GPC3: variants seen among roughly 807,000 people sequenced by gnomAD.
GPC3 encodes glypican 3.
A neutral mutation model predicts 34.4 loss-of-function variants in GPC3; 3 were observed. The ratio of observed to expected loss-of-function variants is 0.09; its 90% CI spans 0.04 to 0.23. GPC3 has a LOEUF of 0.23. GPC3 is among the 10% of genes least tolerant of loss of function. GPC3 has a pLI of 1.00. For missense variants in GPC3, 351 were observed against 445.6 expected (o/e 0.79, Z 1.91); for synonymous variants, 177 against 174.0 (o/e 1.02, Z -0.13).
chrX:133,985,348 G>T lies in GPC3; in HGVS notation c.102C>A (p.Thr34=). ...AQPPPPPPDA[T]CHQVRSFFQR... is the part of the protein sequence containing the mutation. ...GGAAGAAGGAGCGGACTTGGTGACA[G>T]GTGGCGTCCGGCGGCGGCGGCGGGG... The change falls in exon 1 of 8, where the codon ACC becomes ACA. Residue 34 remains threonine, a synonymous_variant. Coordinates refer to ENST00000370818, the MANE Select transcript of GPC3 (RefSeq NM_004484.4). 5.0e-6 allele frequency: 6 copies of T among 1,206,971 alleles called. No homozygotes were observed. Among genetic ancestry groups the T allele is most frequent in the Non-Finnish European group, 6.7e-6 (6 of 893,290 alleles).
chrX:133,777,904 C>T (rs2072003914), intron 2 of GPC3, among the ~76,000 whole-genome samples: 1 of 111,995 alleles, frequency 8.9e-6, no homozygotes, highest in Admixed American at 9.5e-5. Flanking sequence ...AAAACCCAAG[C>T]CTCATGAGCC....
intron 3 of GPC3, among the ~76,000 whole-genome samples, chrX:133,750,930 A>G (rs963771124): frequency 1.8e-5 from 2 of 109,177 alleles, no homozygotes; most frequent in African/African-American, 6.7e-5. Context: ...AGAATTAGCC[A>G]GGCATGGTGG....
Position 133,782,465 on chromosome X carries a change from C to G in GPC3, c.338-28289G>C, listed in dbSNP as rs1354106089. On this transcript the variant is annotated intron_variant, in intron 2 of 7. Coordinates refer to ENST00000370818, the MANE Select transcript of GPC3 (RefSeq NM_004484.4). ...CCTCTGGAAGCACTCAGCACTCCAC[C>G]TGTTTTAACTCAAAGAAGCACTCAC... Among the ~76,000 whole-genome samples, 3 of 111,902 alleles carry G rather than the reference C, an allele frequency of 2.7e-5. No individual in the cohort carries two copies. The Admixed American group carries it at 2.8e-4, about 11-fold the overall frequency.
chrX:133,983,793 C>T (rs2076551878), intron 1 of GPC3, among the ~76,000 whole-genome samples: 1 of 111,753 alleles, frequency 8.9e-6, no homozygotes, highest in Non-Finnish European at 1.9e-5. Context: ...CATAGGTTGC[C>T]CCTTACAGCT....
chrX:133,632,891 T>C (rs896642928), intron 6 of GPC3, among the ~76,000 whole-genome samples: 2 of 111,471 alleles, frequency 1.8e-5, no homozygotes, highest in Admixed American at 1.9e-4. Context: ...TGTGTCTGTG[T>C]GTGTGCACGC....
intron 6 of GPC3, among the ~76,000 whole-genome samples, chrX:133,626,893 T>C (rs1204809241): frequency 1.9e-5 from 2 of 108,073 alleles, no homozygotes; most frequent in Non-Finnish European, 3.8e-5. Flanking sequence ...CTATTCACAA[T>C]AGCAAAGACT....
At chrX:133,907,088 G>A (rs6638142) in intron 2 of GPC3, among the ~76,000 whole-genome samples, 8,905 of 106,971 alleles carry the variant, frequency 0.083, 961 homozygotes, top group African/African-American at 0.29. Context: ...GCGACAGAGT[G>A]AGACTCCATC....
intron 5 of GPC3, chrX:133,671,017 G>T: frequency 1.8e-6 from 1 of 542,619 alleles, no homozygotes; most frequent in South Asian, 2.4e-5. Flanking sequence ...ATGACCAACC[G>T]ACTACTTCAG....
chrX:133,554,206 G>A (rs763843119), intron 7 of GPC3, among the ~76,000 whole-genome samples: 44 of 110,141 alleles, frequency 4.0e-4, no homozygotes, highest in African/African-American at 1.3e-3. Context: ...TAGAGACGGG[G>A]TTTCACCATG....
intron 2 of GPC3, among the ~76,000 whole-genome samples, chrX:133,901,601 C>A (rs1457676843): frequency 9.1e-6 from 1 of 110,369 alleles, no homozygotes; most frequent in Admixed American, 9.6e-5. Flanking sequence ...CCACCACACC[C>A]AGTAAATTTT....
rs748033289 is a variant in GPC3, at chrX:133,723,168, G to C, written c.1033-23140C>G. On this transcript the variant is annotated intron_variant, in intron 3 of 7. Transcript: ENST00000370818. The stretch of plus-strand genomic sequence containing the variant: ...AACTTCAGCTGCCCAATAAAACTTT[G>C]TGCATCATCTAAAACTGGCTTTCCC... Among the ~76,000 whole-genome samples the C allele has an allele frequency of 8.1e-5, 9 of 111,391 alleles. No homozygotes were observed. In the South Asian group the frequency reaches 3.0e-3, roughly 38 times the overall value.
intron 6 of GPC3, among the ~76,000 whole-genome samples, chrX:133,636,898 A>C (rs2070431720): frequency 9.0e-6 from 1 of 110,545 alleles, no homozygotes; most frequent in Non-Finnish European, 1.9e-5. Flanking sequence ...ATAAGAACTT[A>C]GCATTATTTG....
chrX:133,626,866 G>A (rs935278793), intron 6 of GPC3, among the ~76,000 whole-genome samples: 3 of 107,947 alleles, frequency 2.8e-5, no homozygotes, highest in Non-Finnish European at 3.8e-5. Flanking sequence ...ACATGCACAC[G>A]TATGTTTATT....
chrX:133,671,017 G>A (rs1381347185), intron 5 of GPC3: 4 of 540,908 alleles, frequency 7.4e-6, no homozygotes, highest in South Asian at 2.4e-5. Flanking sequence ...ATGACCAACC[G>A]ACTACTTCAG....
chrX:133,881,066 G>T (rs892130663), intron 2 of GPC3, among the ~76,000 whole-genome samples: 1 of 112,265 alleles, frequency 8.9e-6, no homozygotes, highest in Non-Finnish European at 1.9e-5. Flanking sequence ...AGAAAGCCAA[G>T]TTTGTTAATC....
chrX:133,739,700 CA>C (rs770951547), intron 3 of GPC3, among the ~76,000 whole-genome samples: 1 of 108,863 alleles, frequency 9.2e-6, no homozygotes, highest in South Asian at 4.0e-4. Context: ...AAAACAAAAA[CA>C]AAAACAAAAC....
chrX:133,753,833 C>T lies in GPC3; in HGVS notation c.681G>A (p.Arg227=). The change falls in exon 3 of 8, where the codon AGG becomes AGA. Residue 227 remains arginine (R), a synonymous_variant. Transcript: ENST00000370818. ...TQVSKSLQVT[R]IFLQALNLGI... ...CAAGATTCAGAGCCTGAAGGAAGAT[C>T]CTAGTGACTTGCAGTGACTTGGAAA... is the stretch of plus-strand genomic sequence containing the variant. 1 of 1,211,021 alleles carries T rather than the reference C, an allele frequency of 8.3e-7. No individual in the cohort carries two copies. The highest frequency in any genetic ancestry group is 1.1e-6 in the Non-Finnish European group (1 of 894,820).
At chrX:133,630,754 T>C (rs2070357129) in intron 6 of GPC3, among the ~76,000 whole-genome samples, 1 of 112,089 alleles carries the variant, frequency 8.9e-6, no homozygotes. Flanking sequence ...CTTGACATTC[T>C]ATCTCTAGAG....
chrX:133,885,006 C>T (rs1791537102), intron 2 of GPC3, among the ~76,000 whole-genome samples: 1 of 112,218 alleles, frequency 8.9e-6, no homozygotes, highest in African/African-American at 3.2e-5. Context: ...ATTAACTAGA[C>T]ATTTTGGATA....
Sources: gnomAD v4.1 joint callset for allele counts (sites outside exome capture counted in the v4.1 genomes callset) on GRCh38, gnomAD v4.1.1 for gene constraint, MANE v1.5 for transcripts, NCBI Gene and HGNC (gene_info 2026-07-23, HGNC 2026-07-21) for gene names.